FERMT2: variants seen among roughly 807,000 people sequenced by gnomAD.
FERMT2 encodes fermitin family homolog 2.
FERMT2 carries 15 observed loss-of-function variants against 82.7 expected under a neutral mutation model. That is an observed-to-expected ratio of 0.18 (90% CI 0.12 to 0.28). The LOEUF is 0.28. FERMT2 is among the 10% of genes least tolerant of loss of function. The pLI is 1.00. For synonymous variants in FERMT2, 274 were observed against 271.5 expected, an observed-to-expected ratio of 1.01 and a Z score of -0.09; for missense variants, 645 against 809.4, an observed-to-expected ratio of 0.80 and a Z score of 2.46.
chr14:52,893,558 T>TGTTTTG, intron 3 of FERMT2, 131 bp from the exon 4 acceptor site: 5 of 661,558 alleles, frequency 7.6e-6, no homozygotes, highest in Non-Finnish European at 1.2e-5. Flanking sequence ...GACATTGATG[T>TGTTTTG]CATGCAAAAC....
At chr14:52,937,996 A>T (rs1412952371) in intron 2 of FERMT2, among the ~76,000 whole-genome samples, 3 of 152,236 alleles carry the variant, frequency 2.0e-5, no homozygotes, top group Admixed American at 6.5e-5. Flanking sequence ...GTCTGCATTT[A>T]ATCCTTACGA....
At chr14:52,941,158 C>T (rs1890071938) in intron 2 of FERMT2, among the ~76,000 whole-genome samples, 1 of 152,138 alleles carries the variant, frequency 6.6e-6, no homozygotes, top group South Asian at 2.1e-4. Flanking sequence ...TTGATACAAA[C>T]ACATGAACGA....
At chr14:52,881,714 A>G in intron 4 of FERMT2, 1 of 1,230,050 alleles carries the variant, frequency 8.1e-7, no homozygotes, top group East Asian at 3.5e-5. Context: ...AAAAAAAATC[A>G]GTTCAAGAGA....
chr14:52,882,282 TA>T (rs1372999014), intron 4 of FERMT2, among the ~76,000 whole-genome samples: 1 of 152,180 alleles, frequency 6.6e-6, no homozygotes, highest in Non-Finnish European at 1.5e-5. Context: ...AAAGGGGAGA[TA>T]AAAGTCTGCC....
chr14:52,859,734 A>T lies in FERMT2; in HGVS notation c.1728-20T>A. On this transcript the variant is annotated intron_variant, in intron 13 of 14. Transcript: ENST00000341590. ...TGGAACCTATAACATTTAAGAAAAG[A>T]ACGGTTAAAAACATGTTGTGGGGGA... is the stretch of plus-strand genomic sequence containing the variant. 1 of 1,497,770 alleles carries T rather than the reference A, an allele frequency of 6.7e-7. No individual in the cohort carries two copies. The highest frequency in any genetic ancestry group is 9.1e-7 in the Non-Finnish European group (1 of 1,098,294). 92.8% of individuals were successfully genotyped at this position (1,497,770 alleles called of 1,614,324 possible). A position where few individuals can be genotyped will look rare whatever the true frequency, so the allele number is the denominator to read the frequency against.
chr14:52,919,724 T>C (rs79534246), intron 2 of FERMT2, among the ~76,000 whole-genome samples: 6 of 152,122 alleles, frequency 3.9e-5, no homozygotes, highest in African/African-American at 1.4e-4. Context: ...CCTATAGGAA[T>C]GGACAATAAC....
chr14:52,881,579 TGAAAG>T, intron 4 of FERMT2, 110 bp from the exon 5 acceptor site: 1 of 945,638 alleles, frequency 1.1e-6, no homozygotes, highest in East Asian at 2.6e-5. Context: ...AGTTTTATTC[TGAAAG>T]GAAAGCTTAG....
Position 52,893,445 on chromosome 14 carries a change from T to C in FERMT2, c.392-18A>G, listed in dbSNP as rs140864935. The C allele has an allele frequency of 6.3e-5, 99 of 1,559,594 alleles. No individual in the cohort carries two copies. The African/African-American group carries it at 1.3e-3, about 21-fold the overall frequency. The stretch of plus-strand genomic sequence containing the variant: ...TCTGATATCTGTTAATAAAATAGAT[T>C]GTTTTACTAGAACAAAGGAAAATTT... On this transcript the variant is annotated intron_variant, in intron 3 of 14. Transcript: ENST00000341590.
At chr14:52,899,288 A>AT (rs1887479473) in intron 3 of FERMT2, among the ~76,000 whole-genome samples, 1 of 145,798 alleles carries the variant, frequency 6.9e-6, no homozygotes, top group South Asian at 2.2e-4. Flanking sequence ...GCTTTTATTT[A>AT]TTTATTTTTT....
intron 8 of FERMT2, among the ~76,000 whole-genome samples, chr14:52,874,543 C>T (rs1393012551): frequency 6.6e-6 from 1 of 152,088 alleles, no homozygotes; most frequent in East Asian, 1.9e-4. Flanking sequence ...TGTAAAAGGC[C>T]TGAAGTGTTT....
intron 4 of FERMT2, among the ~76,000 whole-genome samples, chr14:52,886,892 T>C (rs959001545): frequency 6.6e-6 from 1 of 152,112 alleles, no homozygotes; most frequent in African/African-American, 2.4e-5. Context: ...TTATATTACT[T>C]GAGTTTATGA....
chr14:52,868,579 T>G, intron 10 of FERMT2, among the ~76,000 whole-genome samples: 1 of 152,180 alleles, frequency 6.6e-6, no homozygotes, highest in Non-Finnish European at 1.5e-5. Flanking sequence ...TTAGCTGAAA[T>G]GAATTTTTAA....
intron 12 of FERMT2, chr14:52,862,527 G>A (rs1885009557): frequency 6.6e-6 from 1 of 152,472 alleles, no homozygotes; most frequent in Non-Finnish European, 1.5e-5. Context: ...AATTAGCCTG[G>A]AGTGGCAGTG....
chr14:52,924,390 T>C (rs1889134287), intron 2 of FERMT2, among the ~76,000 whole-genome samples: 1 of 149,454 alleles, frequency 6.7e-6, no homozygotes, highest in African/African-American at 2.5e-5. Flanking sequence ...CACCCTAAAC[T>C]AGGGCTATTT....
chr14:52,860,961 G>T, intron 12 of FERMT2: 1 of 1,311,938 alleles, frequency 7.6e-7, no homozygotes, highest in Non-Finnish European at 1.1e-6. Context: ...GAAGGTTGTG[G>T]CTATGAATTT....
chr14:52,867,358 T>C (rs1885349409), intron 10 of FERMT2, among the ~76,000 whole-genome samples: 1 of 152,252 alleles, frequency 6.6e-6, no homozygotes, highest in South Asian at 2.1e-4. Flanking sequence ...GATACTATGT[T>C]GGCCTAACTA....
chr14:52,892,981 G>T (rs184146428), intron 4 of FERMT2, among the ~76,000 whole-genome samples: 1 of 152,146 alleles, frequency 6.6e-6, no homozygotes, highest in Non-Finnish European at 1.5e-5. Flanking sequence ...TTTCAGGACA[G>T]AGAAAAATGC....
rs1040128263 is a variant in FERMT2 at position 52,895,232 on chromosome 14, G to C, written c.392-1805C>G. On this transcript the variant is annotated intron_variant, in intron 3 of 14. Coordinates refer to ENST00000341590, the MANE Select transcript of FERMT2 (RefSeq NM_006832.3). ...TACTCAGTGTCAGTGAGGATGTGAA[G>C]AGGAACTTGAACTCTCATAAGCAGC... Among the ~76,000 whole-genome samples the C allele has an allele frequency of 2.0e-5, 3 of 152,232 alleles. No individual in the cohort carries two copies. The East Asian group carries it at 5.8e-4, about 29-fold the overall frequency.
intron 3 of FERMT2, among the ~76,000 whole-genome samples, chr14:52,906,951 G>T (rs1189581445): frequency 2.0e-5 from 3 of 147,412 alleles, no homozygotes; most frequent in Admixed American, 2.0e-4. Flanking sequence ...ATTATTGGGG[G>T]GGGGGGGGGA....
Sources: gnomAD v4.1 joint callset for allele counts (sites outside exome capture counted in the v4.1 genomes callset) on GRCh38, gnomAD v4.1.1 for gene constraint, MANE v1.5 for transcripts, NCBI Gene and HGNC (gene_info 2026-07-23, HGNC 2026-07-21) for gene names.